FBXL7: variants seen among roughly 807,000 people sequenced by gnomAD.
The protein encoded by FBXL7 is F-box/LRR-repeat protein 7.
A neutral mutation model predicts 38.3 loss-of-function variants in FBXL7; 12 were observed. The ratio of observed to expected loss-of-function variants is 0.31; its 90% CI spans 0.20 to 0.51. The LOEUF (loss-of-function observed/expected upper bound fraction) is 0.51. Among genes scored for constraint, FBXL7 ranks in the 20% least tolerant of loss-of-function variants. The pLI, the probability that FBXL7 is intolerant of heterozygous loss-of-function variation, is 0.98. For missense variants in FBXL7, 567 were observed against 676.4 expected, an observed-to-expected ratio of 0.84 and a Z score of 1.79; for synonymous variants, 297 against 300.9, an observed-to-expected ratio of 0.99 and a Z score of 0.13.
At chr5:15,810,242 A>G (rs535585836) in intron 2 of FBXL7, among the ~76,000 whole-genome samples, 2 of 152,262 alleles carry the variant, frequency 1.3e-5, no homozygotes, top group South Asian at 2.1e-4. Flanking sequence ...CCATTGAATA[A>G]TCATCAGTGA....
chr5:15,922,443 G>T (rs1052793289), intron 2 of FBXL7, among the ~76,000 whole-genome samples: 1 of 152,134 alleles, frequency 6.6e-6, no homozygotes, highest in Non-Finnish European at 1.5e-5. Flanking sequence ...TGCTGTGGGT[G>T]ATATCTGCTC....
rs1228468168 is a variant in FBXL7 at position 15,753,311 on chromosome 5, T to C, written c.127+137239T>C. On this transcript the variant is annotated intron_variant, in intron 2 of 3. Transcript: ENST00000504595. ...GCAAATGAATAATCAGCTATCCAAA[T>C]TGGCTCAAGGACGATCAAGGGGAAT... Among the ~76,000 whole-genome samples the C allele has an allele frequency of 4.6e-5, 7 of 152,312 alleles. No homozygotes were observed. In the East Asian group the frequency reaches 9.6e-4, roughly 21 times the overall value.
At chr5:15,689,271 T>TG (rs1244779433) in intron 2 of FBXL7, among the ~76,000 whole-genome samples, 2 of 150,106 alleles carry the variant, frequency 1.3e-5, no homozygotes, top group Non-Finnish European at 2.9e-5. Context: ...TTTTCAGTTT[T>TG]TTTTTTTTTT....
intron 1 of FBXL7, among the ~76,000 whole-genome samples, chr5:15,560,284 G>T (rs1738374459): frequency 6.6e-6 from 1 of 152,116 alleles, no homozygotes; most frequent in African/African-American, 2.4e-5. Flanking sequence ...GCTTAAGTAG[G>T]GTGAGATTTC....
chr5:15,619,459 C>T (rs146302956), intron 2 of FBXL7, among the ~76,000 whole-genome samples: 87 of 152,308 alleles, frequency 5.7e-4, no homozygotes, highest in African/African-American at 2.1e-3. Flanking sequence ...TGCAGAGGAG[C>T]CAAGCTAAAA....
At chr5:15,566,032 T>C (rs191110166) in intron 1 of FBXL7, among the ~76,000 whole-genome samples, 1 of 150,520 alleles carries the variant, frequency 6.6e-6, no homozygotes, top group Non-Finnish European at 1.5e-5. Context: ...AAAACTTTCC[T>C]TTTTTTTTAA....
At chr5:15,913,109 A>AT (rs1246943515) in intron 2 of FBXL7, among the ~76,000 whole-genome samples, 1 of 152,206 alleles carries the variant, frequency 6.6e-6, no homozygotes, top group Admixed American at 6.5e-5. Context: ...AAAAATGTTA[A>AT]TGGGAATGTG....
intron 2 of FBXL7, among the ~76,000 whole-genome samples, chr5:15,858,615 T>A (rs892630579): frequency 7.2e-5 from 11 of 152,204 alleles, no homozygotes; most frequent in Non-Finnish European, 1.5e-4. Flanking sequence ...ATGTGCACAT[T>A]TGTACTGATA....
chr5:15,818,703 C>CGTGGGTGTGT (rs1738084434), intron 2 of FBXL7, among the ~76,000 whole-genome samples: 1 of 116,768 alleles, frequency 8.6e-6, no homozygotes, highest in Non-Finnish European at 1.9e-5. Flanking sequence ...CCCATTATTT[C>CGTGGGTGTGT]GTGTGTGTGT....
chr5:15,862,896 C>T (rs1339525469), intron 2 of FBXL7, among the ~76,000 whole-genome samples: 1 of 152,194 alleles, frequency 6.6e-6, no homozygotes, highest in Non-Finnish European at 1.5e-5. Flanking sequence ...ACTCCCTATC[C>T]TATGCCACAT....
chr5:15,773,864 G>A (rs768562566), intron 2 of FBXL7, among the ~76,000 whole-genome samples: 4 of 152,020 alleles, frequency 2.6e-5, no homozygotes, highest in Non-Finnish European at 5.9e-5. Context: ...TGGATGCCCC[G>A]GTCAACTTAA....
intron 2 of FBXL7, among the ~76,000 whole-genome samples, chr5:15,869,088 G>C (rs996794755): frequency 1.3e-5 from 2 of 152,086 alleles, no homozygotes; most frequent in African/African-American, 4.8e-5. Flanking sequence ...CTGCTGGTTG[G>C]GGGTGAACTC....
chr5:15,735,337 G>A lies in FBXL7; in HGVS notation c.127+119265G>A, dbSNP rs78124834. Among the ~76,000 whole-genome samples, 3 of 152,298 alleles carry A rather than the reference G, an allele frequency of 2.0e-5. No homozygotes were observed. The East Asian group carries it at 5.8e-4, about 29-fold the overall frequency. On this transcript the variant is annotated intron_variant, in intron 2 of 3. Transcript: ENST00000504595. Reference sequence around the variant, plus strand: ...AGAGAAGTGGAGAGACCATTTCAGAGGATGTGAATCAAAGTAATAACAAAT... The same window carrying A: ...AGAGAAGTGGAGAGACCATTTCAGAAGATGTGAATCAAAGTAATAACAAAT...
At chr5:15,780,963 A>T (rs912128249) in intron 2 of FBXL7, among the ~76,000 whole-genome samples, 1 of 152,120 alleles carries the variant, frequency 6.6e-6, no homozygotes, top group Non-Finnish European at 1.5e-5. Flanking sequence ...TTATCTTGAT[A>T]TTCTAATTGT....
chr5:15,929,863 A>T (rs1222733666), intron 3 of FBXL7, among the ~76,000 whole-genome samples: 1 of 152,078 alleles, frequency 6.6e-6, no homozygotes, highest in Non-Finnish European at 1.5e-5. Context: ...ACGACCAGCA[A>T]CCTCAGGGAG....
At chr5:15,788,075 T>C (rs1737176453) in intron 2 of FBXL7, among the ~76,000 whole-genome samples, 1 of 152,116 alleles carries the variant, frequency 6.6e-6, no homozygotes, top group South Asian at 2.1e-4. Flanking sequence ...CTTACTCCAA[T>C]CTCTGTCTCT....
chr5:15,532,117 G>T (rs1279421163), intron 1 of FBXL7, among the ~76,000 whole-genome samples: 1 of 152,202 alleles, frequency 6.6e-6, no homozygotes, highest in Non-Finnish European at 1.5e-5. Flanking sequence ...TGTTGTTAAT[G>T]AAATGAAACC....
intron 2 of FBXL7, among the ~76,000 whole-genome samples, chr5:15,695,716 C>G (rs570353269): frequency 2.6e-5 from 4 of 152,266 alleles, no homozygotes; most frequent in Non-Finnish European, 5.9e-5. Context: ...GCTTTATTAT[C>G]TCCATTTTAT....
chr5:15,717,545 C>T (rs1023854101), intron 2 of FBXL7, among the ~76,000 whole-genome samples: 9 of 152,120 alleles, frequency 5.9e-5, no homozygotes, highest in African/African-American at 9.7e-5. Flanking sequence ...GACCAGGGAT[C>T]GGGACATTTG....
Sources: allele counts gnomAD v4.1 joint callset (sites outside exome capture counted in the v4.1 genomes callset), GRCh38; gene constraint gnomAD v4.1.1; transcripts MANE v1.5; gene names NCBI Gene and HGNC (gene_info 2026-07-23, HGNC 2026-07-21).